Variants in SLC71A1 observed in about 807,000 individuals in gnomAD.
The protein encoded by SLC71A1 is solute carrier family 71 member 1.
chr1:100,074,590 A>G, the SLC71A1 span, among the ~76,000 whole-genome samples: 1 of 150,744 alleles, frequency 6.6e-6, no homozygotes, highest in African/African-American at 2.4e-5. Context: ...GGGGGGAAAA[A>G]GAAAGGCTGG....
chr1:100,056,740 T>G, the SLC71A1 span, among the ~76,000 whole-genome samples: 1 of 152,196 alleles, frequency 6.6e-6, no homozygotes, highest in African/African-American at 2.4e-5. Context: ...GGTAGCTCCA[T>G]TTTTAGGTTT....
the SLC71A1 span, among the ~76,000 whole-genome samples, chr1:100,042,191 T>C: frequency 6.6e-6 from 1 of 152,224 alleles, no homozygotes; most frequent in African/African-American, 2.4e-5. Flanking sequence ...GCCATACAAT[T>C]GTGGAACTAC....
the SLC71A1 span, among the ~76,000 whole-genome samples, chr1:100,038,714 C>G: frequency 6.6e-6 from 1 of 152,196 alleles, no homozygotes; most frequent in Non-Finnish European, 1.5e-5. Context: ...GCCGTCGCCG[C>G]GCTTGTCAAG....
the SLC71A1 span, among the ~76,000 whole-genome samples, chr1:100,059,145 T>TGTG: frequency 1.1e-5 from 1 of 89,518 alleles, no homozygotes; most frequent in Non-Finnish European, 2.2e-5. Context: ...CTTTTTCGTG[T>TGTG]TTTTTTTTTT....
the SLC71A1 span, chr1:100,082,192 C>G: frequency 6.2e-7 from 1 of 1,613,958 alleles, no homozygotes; most frequent in Non-Finnish European, 8.5e-7. Flanking sequence ...ACCTTTACTC[C>G]AGGACACAAA....
chr1:100,053,036 G>A, the SLC71A1 span, among the ~76,000 whole-genome samples: 2 of 151,992 alleles, frequency 1.3e-5, no homozygotes, highest in Non-Finnish European at 2.9e-5. Flanking sequence ...CGCCTGCCTC[G>A]GCCTCCCAGA....
the SLC71A1 span, among the ~76,000 whole-genome samples, chr1:100,064,680 T>A: frequency 6.6e-6 from 1 of 152,134 alleles, no homozygotes. Flanking sequence ...TTGAGATTGA[T>A]CCATGTTGAT....
At chr1:100,054,829 G>T in the SLC71A1 span, among the ~76,000 whole-genome samples, 1 of 152,026 alleles carries the variant, frequency 6.6e-6, no homozygotes, top group African/African-American at 2.4e-5. Flanking sequence ...TACAACATTC[G>T]AATTACTTGT....
At chr1:100,059,929 TG>T in the SLC71A1 span, 1 of 1,613,354 alleles carries the variant, frequency 6.2e-7, no homozygotes, top group Non-Finnish European at 8.5e-7. Context: ...TTCTGATGTT[TG>T]GGGCCGAAAA....
chr1:100,068,851 C>T, the SLC71A1 span, among the ~76,000 whole-genome samples: 2 of 152,162 alleles, frequency 1.3e-5, no homozygotes, highest in African/African-American at 2.4e-5. Context: ...GGCGTAGTGG[C>T]GGGCACCTGT....
At chr1:100,067,038 G>A in the SLC71A1 span, among the ~76,000 whole-genome samples, 2 of 149,568 alleles carry the variant, frequency 1.3e-5, no homozygotes, top group East Asian at 3.9e-4. Flanking sequence ...GGGTCTTGCT[G>A]TGTTGCCCAG....
the SLC71A1 span, chr1:100,067,877 A>C: frequency 3.3e-6 from 3 of 917,748 alleles, no homozygotes; most frequent in Non-Finnish European, 3.5e-6. Flanking sequence ...GAGGGTGTGC[A>C]ACAGAAGGCC....
chr1:100,069,261 C>G, the SLC71A1 span, among the ~76,000 whole-genome samples: 2 of 152,188 alleles, frequency 1.3e-5, no homozygotes, highest in African/African-American at 4.8e-5. Context: ...AAAATGAGAG[C>G]AAAAACAAGT....
the SLC71A1 span, among the ~76,000 whole-genome samples, chr1:100,040,533 T>G: frequency 6.6e-6 from 1 of 152,168 alleles, no homozygotes; most frequent in Non-Finnish European, 1.5e-5. Context: ...GGATCTCGGC[T>G]CACTGTAACC....
chr1:100,068,582 G>C, the SLC71A1 span: 1 of 1,565,870 alleles, frequency 6.4e-7, no homozygotes, highest in Non-Finnish European at 8.8e-7. Flanking sequence ...TTATACCTCA[G>C]ACAGGTAAAA....
At chr1:100,044,899 A>C in the SLC71A1 span, among the ~76,000 whole-genome samples, 7 of 152,330 alleles carry the variant, frequency 4.6e-5, no homozygotes, top group Non-Finnish European at 7.3e-5. Flanking sequence ...CGGTTTTGGT[A>C]ACTGTAGCCT....
the SLC71A1 span, chr1:100,080,574 A>G: frequency 3.1e-6 from 5 of 1,614,090 alleles, no homozygotes; most frequent in South Asian, 1.1e-5. Context: ...TTCATTTTCT[A>G]CATATTCCAT....
At chr1:100,075,432 C>T in the SLC71A1 span, among the ~76,000 whole-genome samples, 1 of 152,164 alleles carries the variant, frequency 6.6e-6, no homozygotes, top group Admixed American at 6.5e-5. Context: ...TGCTACCTTC[C>T]GGGATGTTCT....
the SLC71A1 span, among the ~76,000 whole-genome samples, chr1:100,071,328 C>T: frequency 1.0e-3 from 145 of 140,406 alleles, no homozygotes; most frequent in Non-Finnish European, 1.3e-3. Context: ...AAAGAAAGCC[C>T]GGTGTGGTGG....
Sources: allele counts gnomAD v4.1 joint callset (sites outside exome capture counted in the v4.1 genomes callset), GRCh38; gene constraint gnomAD v4.1.1; transcripts MANE v1.5; gene names NCBI Gene and HGNC (gene_info 2026-07-23, HGNC 2026-07-21).